Variants in STT3B observed in about 807,000 individuals in gnomAD.
STT3B encodes STT3 oligosaccharyltransferase complex catalytic subunit B, also known as dolichyl-diphosphooligosaccharide--protein glycosyltransferase subunit STT3B.
A neutral mutation model predicts 96.8 loss-of-function variants in STT3B; 29 were observed. The ratio of observed to expected loss-of-function variants is 0.30; its 90% confidence interval spans 0.22 to 0.41. The LOEUF (loss-of-function observed/expected upper bound fraction) is 0.41. STT3B is among the 10% of genes least tolerant of loss of function. The pLI, the probability that STT3B is intolerant of heterozygous loss-of-function variation, is 1.00. For missense variants in STT3B, 640 were observed against 1,022.3 expected (o/e 0.63, Z 5.10); for synonymous variants, 367 against 360.0 (o/e 1.02, Z -0.22).
At chr3:31,533,459 C>A in intron 1 of STT3B, 147 bp downstream of exon 1, 1 of 1,106,928 alleles carries the variant, frequency 9.0e-7, no homozygotes, top group South Asian at 3.2e-5. Context: ...GATCCCGGAG[C>A]TCCGGGCGCG....
intron 1 of STT3B, among the ~76,000 whole-genome samples, chr3:31,573,463 T>C (rs187302581): frequency 1.3e-5 from 2 of 152,148 alleles, no homozygotes; most frequent in East Asian, 3.9e-4. Context: ...AATAAGAAAA[T>C]AGTATACAGA....
At chr3:31,534,615 G>A (rs1196822747) in intron 1 of STT3B, among the ~76,000 whole-genome samples, 1 of 152,178 alleles carries the variant, frequency 6.6e-6, no homozygotes, top group Non-Finnish European at 1.5e-5. Flanking sequence ...GAGGGGGGCA[G>A]TAACTTACCT....
intron 5 of STT3B, among the ~76,000 whole-genome samples, chr3:31,601,382 AATACTG>A (rs1225459464): frequency 3.3e-5 from 5 of 152,236 alleles, no homozygotes; most frequent in Admixed American, 3.3e-4. Context: ...AAAGGAATAA[AATACTG>A]ATATATGCTA....
intron 5 of STT3B, among the ~76,000 whole-genome samples, chr3:31,610,040 A>G (rs967773799): frequency 1.3e-5 from 2 of 152,170 alleles, no homozygotes; most frequent in Non-Finnish European, 2.9e-5. Flanking sequence ...GATTTTTATC[A>G]TTATGTATGC....
At chr3:31,559,146 G>GT (rs1697796962) in intron 1 of STT3B, among the ~76,000 whole-genome samples, 2 of 116,532 alleles carry the variant, frequency 1.7e-5, no homozygotes, top group Non-Finnish European at 3.5e-5. Flanking sequence ...TGATTCTTGG[G>GT]GTGTGTGTGT....
intron 6 of STT3B, among the ~76,000 whole-genome samples, chr3:31,615,836 AATT>A (rs1422141552): frequency 6.6e-6 from 1 of 151,920 alleles, no homozygotes; most frequent in Admixed American, 6.6e-5. Context: ...TATTTTTAAA[AATT>A]AATATTCTAG....
chr3:31,548,623 C>T (rs1347512899), intron 1 of STT3B, among the ~76,000 whole-genome samples: 3 of 152,098 alleles, frequency 2.0e-5, no homozygotes, highest in Non-Finnish European at 2.9e-5. Context: ...CTCTCCTCAA[C>T]CTGTCTCTAA....
intron 1 of STT3B, among the ~76,000 whole-genome samples, chr3:31,536,709 G>T (rs757729614): frequency 1.3e-5 from 2 of 152,128 alleles, no homozygotes; most frequent in Non-Finnish European, 2.9e-5. Flanking sequence ...AACATTTTTG[G>T]TAACAATTTG....
In STT3B at chr3:31,625,983, A is replaced by G. The variant is rs765932431; in HGVS notation, c.1929A>G (p.Thr643=). 1.1e-5 allele frequency: 17 copies of G among 1,611,916 alleles called. No individual in the cohort carries two copies. Among genetic ancestry groups the G allele is most frequent in the Non-Finnish European group, 1.4e-5 (17 of 1,179,262 alleles). The change falls in exon 13 of 16, where the codon ACA becomes ACG. Residue 643 remains threonine (T), a synonymous_variant. Transcript: ENST00000295770. The part of the protein sequence containing the change: ...LVGKAMSSNE[T]AAYKIMRTLD... ...GAAAAGCTATGTCTTCTAATGAAAC[A>G]GCAGCCTATAAAATCATGAGGACTC...
At chr3:31,553,992 A>G (rs62234707) in intron 1 of STT3B, among the ~76,000 whole-genome samples, 34,006 of 152,068 alleles carry the variant, frequency 0.22, 4,658 homozygotes, top group Admixed American at 0.43. Flanking sequence ...TAAGAAAAAT[A>G]TTTGCATTAT....
chr3:31,621,749 T>C (rs1699434193), intron 9 of STT3B, among the ~76,000 whole-genome samples: 1 of 152,226 alleles, frequency 6.6e-6, no homozygotes, highest in Admixed American at 6.5e-5. Context: ...TATAAATTTA[T>C]TTTGCCTGGA....
At chr3:31,564,266 G>C (rs1697948240) in intron 1 of STT3B, among the ~76,000 whole-genome samples, 1 of 152,022 alleles carries the variant, frequency 6.6e-6, no homozygotes, top group South Asian at 2.1e-4. Flanking sequence ...TTTAAAATTG[G>C]GTCATATATA....
intron 3 of STT3B, among the ~76,000 whole-genome samples, chr3:31,595,417 TC>T (rs767665034): frequency 3.3e-5 from 5 of 152,188 alleles, no homozygotes; most frequent in Non-Finnish European, 7.4e-5. Context: ...GGTGTTGTTT[TC>T]CCCTTTTCGT....
At chr3:31,613,973 T>G (rs1224944511) in intron 5 of STT3B, among the ~76,000 whole-genome samples, 1 of 151,960 alleles carries the variant, frequency 6.6e-6, no homozygotes, top group East Asian at 1.9e-4. Flanking sequence ...TTTATGAGCT[T>G]CTTACTGTCT....
intron 1 of STT3B, among the ~76,000 whole-genome samples, chr3:31,539,250 T>C (rs1375241074): frequency 6.6e-6 from 1 of 152,180 alleles, no homozygotes; most frequent in Non-Finnish European, 1.5e-5. Flanking sequence ...CTGTTGGCAC[T>C]AATTGACCAC....
intron 3 of STT3B, among the ~76,000 whole-genome samples, chr3:31,594,400 C>T (rs1219321744): frequency 6.6e-6 from 1 of 151,918 alleles, no homozygotes; most frequent in Non-Finnish European, 1.5e-5. Flanking sequence ...TTCTGATAGC[C>T]CAGCTTAAAT....
At chr3:31,537,728 A>G (rs901051898) in intron 1 of STT3B, among the ~76,000 whole-genome samples, 1 of 152,200 alleles carries the variant, frequency 6.6e-6, no homozygotes, top group South Asian at 2.1e-4. Flanking sequence ...TAGAAGCTCA[A>G]TATAAGGATT....
At chr3:31,597,567 C>T (rs1039980431) in intron 4 of STT3B, among the ~76,000 whole-genome samples, 1 of 151,730 alleles carries the variant, frequency 6.6e-6, no homozygotes, top group Non-Finnish European at 1.5e-5. Flanking sequence ...AGTGATTCTC[C>T]CACTTCAGCT....
intron 1 of STT3B, among the ~76,000 whole-genome samples, chr3:31,566,288 TG>T (rs1187183664): frequency 2.0e-5 from 3 of 152,196 alleles, no homozygotes; most frequent in Non-Finnish European, 4.4e-5. Context: ...CTTAAGAATG[TG>T]GGCACCAGAG....
Sources: gnomAD v4.1 joint callset for allele counts (sites outside exome capture counted in the v4.1 genomes callset) on GRCh38, gnomAD v4.1.1 for gene constraint, MANE v1.5 for transcripts, NCBI Gene and HGNC (gene_info 2026-07-23, HGNC 2026-07-21) for gene names.